Variants in SCD5 observed in about 807,000 individuals in gnomAD.
SCD5 encodes acyl-CoA-desaturase 4.
Under a neutral mutation model 30.4 loss-of-function variants are expected in SCD5, and 20 were observed. The observed-to-expected ratio is 0.66, with a 90% CI of 0.46 to 0.96. The LOEUF (loss-of-function observed/expected upper bound fraction) is 0.96. Ranked by LOEUF, SCD5 falls within the 40% of genes least tolerant of loss-of-function variation. The pLI is 0.00. For missense variants in SCD5, 381 were observed against 443.3 expected (o/e 0.86, Z 1.26); for synonymous variants, 173 against 176.4 (o/e 0.98, Z 0.16).
rs143608660 is a variant in SCD5, at chr4:82,669,238, G to A, written c.569+11469C>T. On this transcript the variant is annotated intron_variant, in intron 3 of 4. Transcript: ENST00000319540. ...TTGTTTTGTCTAACCACCCTGCCCT[G>A]GATAGATATGTGATGCTCAAAATGG... is the stretch of plus-strand genomic sequence containing the variant. 2.5e-4 allele frequency among the ~76,000 whole-genome samples: 38 copies of A among 151,474 alleles called. No homozygotes were observed. The East Asian group carries it at 7.4e-3, about 29-fold the overall frequency.
chr4:82,762,479 G>A (rs1721395777), intron 1 of SCD5, among the ~76,000 whole-genome samples: 1 of 152,178 alleles, frequency 6.6e-6, no homozygotes, highest in South Asian at 2.1e-4. Flanking sequence ...CCAACCTTAG[G>A]TGATCCACCT....
Position 82,630,361 on chromosome 4 carries a change from A to G in SCD5, c.*966T>C, listed in dbSNP as rs1424924139. The G allele has an allele frequency of 1.3e-5, 2 of 151,758 alleles. No homozygotes were observed. The highest frequency in any genetic ancestry group is 2.9e-5 in the Non-Finnish European group (2 of 68,040). The allele number at this position is 151,758 out of a possible 1,614,324, so 9.4% of individuals were successfully genotyped here. A position where few individuals can be genotyped will look rare whatever the true frequency, so the allele number is the denominator to read the frequency against. ...TCTCTTAAGCAAACAATAAAACCACACACACACAATAATTAACAAAACAGA... is the reference window on the plus strand; with the variant it reads ...TCTCTTAAGCAAACAATAAAACCACGCACACACAATAATTAACAAAACAGA... On this transcript the variant is annotated 3_prime_UTR_variant, in exon 5 of 5. Coordinates refer to ENST00000319540, the MANE Select transcript of SCD5 (RefSeq NM_001037582.3).
intron 1 of SCD5, among the ~76,000 whole-genome samples, chr4:82,720,445 A>AAAAAAAAAAAAAAAAAAAAAAAG (rs1720345894): frequency 6.9e-6 from 1 of 145,476 alleles, no homozygotes; most frequent in East Asian, 1.9e-4. Context: ...CAAAAATAAA[A>AAAAAAAAAAAAAAAAAAAAAAAG]AAAAAAAAAA....
At chr4:82,749,734 T>C (rs1721062224) in intron 1 of SCD5, among the ~76,000 whole-genome samples, 1 of 152,202 alleles carries the variant, frequency 6.6e-6, no homozygotes, top group Non-Finnish European at 1.5e-5. Context: ...CATCCAACTA[T>C]TTCACAGATT....
At position 82,731,111 on chromosome 4, in the gene SCD5, A is replaced by C. The variant is rs146097513; in HGVS notation, c.233-25698T>G. Among the ~76,000 whole-genome samples, 103 of 152,298 alleles carry C rather than the reference A, an allele frequency of 6.8e-4. No individual in the cohort carries two copies. In the East Asian group the frequency reaches 0.014, roughly 21 times the overall value. ...TTTTCATTTCCAATCTGGGACTGAC[A>C]TACAAAGGAACAACAAAGTGTCATT... On this transcript the variant is annotated intron_variant, in intron 1 of 4. Transcript: ENST00000319540.
intron 1 of SCD5, among the ~76,000 whole-genome samples, chr4:82,795,988 G>A (rs577426831): frequency 3.3e-5 from 5 of 150,142 alleles, no homozygotes; most frequent in African/African-American, 4.9e-5. Context: ...TAAGACTTAC[G>A]GGCCGGGCGC....
chr4:82,636,670 G>T lies in SCD5; in HGVS notation c.723C>A (p.Ala241=). 1 of 1,614,206 alleles carries T rather than the reference G, an allele frequency of 6.2e-7. No homozygotes were observed. The highest frequency in any genetic ancestry group is 8.5e-7 in the Non-Finnish European group (1 of 1,180,044). ...SLNISWLVNS[A]AHMYGNRPYD... ...AGGGCCGGTTTCCATACATGTGGGC[G>T]GCGCTGTTGACCAGCCAGCTGATGT... Residue 241 remains alanine (A), a synonymous_variant, in exon 4 of 5, where the codon GCC becomes GCA. Transcript: ENST00000319540.
intron 3 of SCD5, among the ~76,000 whole-genome samples, 171 bp from the exon 4 acceptor site, chr4:82,636,994 A>G (rs1164980778): frequency 6.6e-6 from 1 of 152,210 alleles, no homozygotes; most frequent in African/African-American, 2.4e-5. Context: ...CAAGACCCAT[A>G]TACCTGCAAG....
At chr4:82,636,494 C>A in intron 4 of SCD5, 97 bp downstream of exon 4, 3 of 885,930 alleles carry the variant, frequency 3.4e-6, no homozygotes, top group Non-Finnish European at 3.5e-6. Context: ...CTCCATTCCA[C>A]TCCACTGCTT....
chr4:82,632,360 T>C (rs1003153163), intron 4 of SCD5, among the ~76,000 whole-genome samples: 19 of 152,142 alleles, frequency 1.2e-4, no homozygotes, highest in African/African-American at 4.8e-5. Flanking sequence ...ACAAACGACA[T>C]GAACTCATCC....
intron 3 of SCD5, among the ~76,000 whole-genome samples, chr4:82,667,551 C>T (rs1222212071): frequency 1.3e-5 from 2 of 152,132 alleles, no homozygotes; most frequent in African/African-American, 2.4e-5. Flanking sequence ...CTACAACAAC[C>T]ATGTCTCTTT....
chr4:82,724,995 A>G (rs1175845814), intron 1 of SCD5, among the ~76,000 whole-genome samples: 1 of 152,216 alleles, frequency 6.6e-6, no homozygotes, highest in East Asian at 1.9e-4. Context: ...ACATATGTTG[A>G]TTATATTTCA....
intron 2 of SCD5, among the ~76,000 whole-genome samples, chr4:82,702,316 C>T (rs1008137873): frequency 8.6e-5 from 13 of 151,482 alleles, no homozygotes; most frequent in South Asian, 4.2e-4. Flanking sequence ...AGCTAATTTT[C>T]GTATTTTTAG....
intron 2 of SCD5, among the ~76,000 whole-genome samples, chr4:82,684,248 T>G (rs2148822287): frequency 6.6e-6 from 1 of 152,318 alleles, no homozygotes; most frequent in South Asian, 2.1e-4. Context: ...AAGCACATAA[T>G]GAAGCCAAAA....
At chr4:82,773,074 G>C (rs1242997131) in intron 1 of SCD5, among the ~76,000 whole-genome samples, 2 of 152,066 alleles carry the variant, frequency 1.3e-5, no homozygotes, top group Non-Finnish European at 2.9e-5. Flanking sequence ...TCCTGATCCT[G>C]CAGGCCCTGG....
intron 1 of SCD5, among the ~76,000 whole-genome samples, chr4:82,733,716 T>C (rs1377899586): frequency 6.6e-6 from 1 of 152,130 alleles, no homozygotes; most frequent in African/African-American, 2.4e-5. Flanking sequence ...TCGCCTCTGC[T>C]AGGGAAGCAC....
chr4:82,770,916 T>C (rs1424621622), intron 1 of SCD5, among the ~76,000 whole-genome samples: 2 of 152,246 alleles, frequency 1.3e-5, no homozygotes, highest in Non-Finnish European at 2.9e-5. Flanking sequence ...CCCAGACAGA[T>C]GGCCCCAGTA....
At chr4:82,667,732 A>G (rs1252635584) in intron 3 of SCD5, among the ~76,000 whole-genome samples, 3 of 152,210 alleles carry the variant, frequency 2.0e-5, no homozygotes, top group African/African-American at 7.2e-5. Context: ...AGCTGGATGC[A>G]GGGAGAATTA....
intron 1 of SCD5, among the ~76,000 whole-genome samples, chr4:82,731,544 A>T (rs1453017387): frequency 3.3e-5 from 5 of 152,252 alleles, no homozygotes; most frequent in Admixed American, 1.3e-4. Context: ...AACCAGATCC[A>T]GGGTGCAAAA....
Sources: gnomAD v4.1 joint callset for allele counts (sites outside exome capture counted in the v4.1 genomes callset) on GRCh38, gnomAD v4.1.1 for gene constraint, MANE v1.5 for transcripts, NCBI Gene and HGNC (gene_info 2026-07-23, HGNC 2026-07-21) for gene names.